GPATCH2: variants seen among roughly 807,000 people sequenced by gnomAD.
GPATCH2 encodes the protein G patch domain-containing protein 2.
GPATCH2 carries 51 observed loss-of-function variants against 58.0 expected under a neutral mutation model. That is an observed-to-expected ratio of 0.88 (90% CI 0.70 to 1.11). The LOEUF is 1.11. Among genes scored for constraint, GPATCH2 ranks in the 50% most tolerant of loss-of-function variants. The pLI is 0.00. For missense variants in GPATCH2, 625 were observed against 652.2 expected, an observed-to-expected ratio of 0.96 and a Z score of 0.45; for synonymous variants, 222 against 218.5, an observed-to-expected ratio of 1.02 and a Z score of -0.14.
chr1:217,436,552 G>C (rs1192149758), intron 9 of GPATCH2, among the ~76,000 whole-genome samples: 1 of 152,080 alleles, frequency 6.6e-6, no homozygotes, highest in African/African-American at 2.4e-5. Context: ...AAAATTCATT[G>C]AGTAATATAT....
chr1:217,532,831 G>A lies in GPATCH2; in HGVS notation c.1099-17942C>T, dbSNP rs188135233. 4.6e-5 allele frequency among the ~76,000 whole-genome samples: 7 copies of A among 151,912 alleles called. No homozygotes were observed. In the East Asian group the frequency reaches 1.2e-3, roughly 25 times the overall value. ...GGGTACAATGTGAGGTCAGAGAACA[G>A]AAGAGGGTCCCACTGGTCTTAATTG... is the stretch of plus-strand genomic sequence containing the variant. On this transcript the variant is annotated intron_variant, in intron 5 of 9. Transcript: ENST00000366935.
chr1:217,524,345 C>G (rs891187609), intron 5 of GPATCH2, among the ~76,000 whole-genome samples: 1 of 150,514 alleles, frequency 6.6e-6, no homozygotes, highest in African/African-American at 2.5e-5. Context: ...GATGGGATGG[C>G]GGCTGGGCAG....
chr1:217,537,734 A>G lies in GPATCH2; in HGVS notation c.1099-22845T>C, dbSNP rs576612070. Among the ~76,000 whole-genome samples the G allele has an allele frequency of 2.7e-5, 4 of 149,844 alleles. No homozygotes were observed. In the East Asian group the frequency reaches 8.4e-4, roughly 32 times the overall value. On this transcript the variant is annotated intron_variant, in intron 5 of 9. Transcript: ENST00000366935. ...ACATAAGGAAAAAAGGAAATGCTTA[A>G]ATTAATTTGACAAATACAACTTTTC...
At chr1:217,513,147 A>G (rs1662938405) in intron 6 of GPATCH2, among the ~76,000 whole-genome samples, 1 of 152,124 alleles carries the variant, frequency 6.6e-6, no homozygotes, top group Non-Finnish European at 1.5e-5. Context: ...AAAATTAGCC[A>G]GGCGTGGTGG....
rs115932405 is a variant in GPATCH2, at chr1:217,494,254, C to A, written c.1207-2504G>T. On this transcript the variant is annotated intron_variant, in intron 7 of 9. Transcript: ENST00000366935. Reference sequence around the variant, plus strand: ...GCATCTATATGTATAAAACCCATCACAAACTTATCTCACCTTATCAGTACA... The same window carrying A: ...GCATCTATATGTATAAAACCCATCAAAAACTTATCTCACCTTATCAGTACA... 9.1e-3 allele frequency among the ~76,000 whole-genome samples: 1,382 copies of A among 152,318 alleles called. 8 individuals are homozygous for A. The highest frequency in any genetic ancestry group is 0.048 in the Middle Eastern group (14 of 294).
In GPATCH2 at chr1:217,610,318, T is replaced by A; in HGVS notation, c.1098+3A>T. The A allele has an allele frequency of 6.4e-7, 1 of 1,560,376 alleles. No homozygotes were observed. Among genetic ancestry groups the A allele is most frequent in the Non-Finnish European group, 8.8e-7 (1 of 1,132,450 alleles). ...GACAATTACACAGAAAAAGTATGCC[T>A]ACCATTGAAGTTGGAGTCCCTCCAG... On this transcript the variant is annotated splice_donor_region_variant and intron_variant, in intron 5 of 9. Coordinates refer to ENST00000366935, the MANE Select transcript of GPATCH2 (RefSeq NM_018040.5).
intron 9 of GPATCH2, among the ~76,000 whole-genome samples, chr1:217,432,115 T>C (rs1423461469): frequency 6.6e-6 from 1 of 151,998 alleles, no homozygotes; most frequent in Admixed American, 6.6e-5. Flanking sequence ...ATTCCCTTCA[T>C]AGGCCTCCAG....
At chr1:217,611,340 C>G (rs570229315) in intron 3 of GPATCH2, among the ~76,000 whole-genome samples, 1 of 152,056 alleles carries the variant, frequency 6.6e-6, no homozygotes, top group African/African-American at 2.4e-5. Flanking sequence ...TTTTATTTGA[C>G]AACTGCATAT....
intron 5 of GPATCH2, among the ~76,000 whole-genome samples, chr1:217,584,009 T>G (rs1667201219): frequency 6.6e-6 from 1 of 152,010 alleles, no homozygotes; most frequent in African/African-American, 2.4e-5. Context: ...CCAAAAGAAC[T>G]TCTAAGCATA....
intron 5 of GPATCH2, among the ~76,000 whole-genome samples, chr1:217,602,352 C>T (rs1363589575): frequency 6.6e-6 from 1 of 152,064 alleles, no homozygotes; most frequent in Non-Finnish European, 1.5e-5. Flanking sequence ...TAATCCTTGA[C>T]CATGCCTTTC....
intron 8 of GPATCH2, among the ~76,000 whole-genome samples, chr1:217,451,559 A>T (rs1406648525): frequency 6.6e-6 from 1 of 152,190 alleles, no homozygotes; most frequent in Non-Finnish European, 1.5e-5. Context: ...GTTAAATAAA[A>T]TCTTTAACAC....
chr1:217,629,819 A>T (rs1374020276), intron 1 of GPATCH2, among the ~76,000 whole-genome samples: 1 of 152,220 alleles, frequency 6.6e-6, no homozygotes, highest in Non-Finnish European at 1.5e-5. Flanking sequence ...GTATAATCAA[A>T]TCTATATTCA....
chr1:217,457,302 A>C (rs1659988655), intron 8 of GPATCH2, among the ~76,000 whole-genome samples: 1 of 152,190 alleles, frequency 6.6e-6, no homozygotes, highest in Non-Finnish European at 1.5e-5. Context: ...TCAATGTTTG[A>C]GAAGGCTTTT....
At chr1:217,440,600 A>G (rs1235629313) in intron 9 of GPATCH2, among the ~76,000 whole-genome samples, 1 of 152,212 alleles carries the variant, frequency 6.6e-6, no homozygotes, top group East Asian at 1.9e-4. Context: ...ATGATTGCAT[A>G]TTTAGAAAAC....
intron 2 of GPATCH2, among the ~76,000 whole-genome samples, chr1:217,619,424 A>C (rs1669070754): frequency 6.6e-6 from 1 of 152,218 alleles, no homozygotes; most frequent in South Asian, 2.1e-4. Flanking sequence ...CACTCTATAA[A>C]GTACCAAAAG....
At chr1:217,606,268 T>C (rs1425300039) in intron 5 of GPATCH2, among the ~76,000 whole-genome samples, 1 of 151,408 alleles carries the variant, frequency 6.6e-6, no homozygotes, top group Middle Eastern at 3.2e-3. Context: ...GAGAAGAGTT[T>C]AGAGCAGTTT....
chr1:217,588,809 C>G (rs932231236), intron 5 of GPATCH2, among the ~76,000 whole-genome samples: 1 of 152,068 alleles, frequency 6.6e-6, no homozygotes, highest in African/African-American at 2.4e-5. Context: ...AAATCTACCC[C>G]CTTTCCCCAA....
intron 9 of GPATCH2, among the ~76,000 whole-genome samples, chr1:217,447,031 C>T (rs2102549044): frequency 6.6e-6 from 1 of 152,222 alleles, no homozygotes; most frequent in East Asian, 1.9e-4. Context: ...GTTTCTGCCG[C>T]TAATGGTTGA....
intron 5 of GPATCH2, among the ~76,000 whole-genome samples, chr1:217,520,550 CTATA>C (rs1663400729): frequency 6.6e-6 from 1 of 152,088 alleles, no homozygotes; most frequent in Non-Finnish European, 1.5e-5. Context: ...GAACTAGGAC[CTATA>C]TAGTATCGAC....
Sources: allele counts gnomAD v4.1 joint callset (sites outside exome capture counted in the v4.1 genomes callset), GRCh38; gene constraint gnomAD v4.1.1; transcripts MANE v1.5; gene names NCBI Gene and HGNC (gene_info 2026-07-23, HGNC 2026-07-21).